GAA: variants seen among roughly 807,000 people sequenced by gnomAD.
GAA encodes the protein lysosomal alpha-glucosidase.
A neutral mutation model predicts 103.9 loss-of-function variants in GAA; 88 were observed. That is an observed-to-expected ratio of 0.85 (90% CI 0.71 to 1.01). The LOEUF (loss-of-function observed/expected upper bound fraction) is 1.01. GAA is among the 50% of genes least tolerant of loss of function. The pLI is 0.00. For synonymous variants in GAA, 572 were observed against 563.1 expected (o/e 1.02, Z -0.22); for missense variants, 1,350 against 1,305.3 (o/e 1.03, Z -0.53).
At chr17:80,113,520 G>T (rs560973827) in intron 15 of GAA, among the ~76,000 whole-genome samples, 154 bp downstream of exon 15, 1 of 152,220 alleles carries the variant, frequency 6.6e-6, no homozygotes, top group Non-Finnish European at 1.5e-5. Context: ...TAAGGGGGAA[G>T]GGCAGCAAGA....
At chr17:80,103,250 A>C (rs1238662729) in intron 1 of GAA, among the ~76,000 whole-genome samples, 1 of 152,152 alleles carries the variant, frequency 6.6e-6, no homozygotes, top group Non-Finnish European at 1.5e-5. Flanking sequence ...TGCTTTCTGA[A>C]ATCCTTGCCT....
chr17:80,112,050 C>G lies in GAA; in HGVS notation c.1704C>G (p.His568Gln), dbSNP rs776882059. Residue 568 changes from histidine to glutamine, a missense_variant, in exon 12 of 20, where the codon CAC becomes CAG. By Grantham distance (24) the His-to-Gln change is conservative (BLOSUM62 0). Transcript: ENST00000302262. ...CCAGCCACCAGTTTCTCTCCACACA[C>G]TACAACCTGCACAACCTCTACGGCC... ...CASSHQFLST[H>Q]YNLHNLYGLT... is the part of the protein sequence containing the mutation. The G allele has an allele frequency of 6.2e-7, 1 of 1,614,098 alleles. No homozygotes were observed. The highest frequency in any genetic ancestry group is 8.5e-7 in the Non-Finnish European group (1 of 1,179,970).
chr17:80,107,648 G>C lies in GAA; in HGVS notation c.784G>C (p.Glu262Gln). The C allele has an allele frequency of 6.2e-7, 1 of 1,613,050 alleles. No homozygotes were observed. The highest frequency in any genetic ancestry group is 8.5e-7 in the Non-Finnish European group (1 of 1,179,866). The change falls in exon 4 of 20, where the codon GAG becomes CAG. Residue 262 changes from glutamate to glutamine, a missense_variant. Transcript: ENST00000302262. ...CTCGCAGTATATCACAGGCCTCGCC[G>C]AGCACCTCAGTCCCCTGATGCTCAG... ...LPSQYITGLA[E>Q]HLSPLMLSTS...
intron 19 of GAA, among the ~76,000 whole-genome samples, chr17:80,119,071 C>T (rs1370094685): frequency 1.3e-5 from 2 of 152,210 alleles, no homozygotes; most frequent in African/African-American, 4.8e-5. Flanking sequence ...TAAGGTGACC[C>T]GCACTGAGAG....
At position 80,113,268 on chromosome 17, in the gene GAA, G is replaced by A. The variant is rs2143895855; in HGVS notation, c.2091G>A (p.Lys697=). 2.5e-6 allele frequency: 4 copies of A among 1,602,340 alleles called. No homozygotes were observed. The highest frequency in any genetic ancestry group is 3.4e-6 in the Non-Finnish European group (4 of 1,174,994). The change falls in exon 15 of 20, where the codon AAG becomes AAA. Residue 697 remains lysine (K), a synonymous_variant. Coordinates refer to ENST00000302262, the MANE Select transcript of GAA (RefSeq NM_000152.5). ...AGCCGGCCCAGCAGGCCATGAGGAA[G>A]GCCCTCACCCTGCGCTACGCACTCC... is the stretch of plus-strand genomic sequence containing the variant. ...FSEPAQQAMR[K]ALTLRYALLP...
chr17:80,115,984 C>T (rs1269364349), intron 15 of GAA, among the ~76,000 whole-genome samples: 1 of 152,168 alleles, frequency 6.6e-6, no homozygotes, highest in Non-Finnish European at 1.5e-5. Flanking sequence ...TACATGCTCC[C>T]CAGATGGCTG....
In GAA at chr17:80,109,933, C is replaced by G; in HGVS notation, c.1327-12C>G. ...GGGCCACCCTCACCTTGACAGGTTT[C>G]CCTCTTCCCAGGATCCTGCCATCAG... On this transcript the variant is annotated splice_polypyrimidine_tract_variant and intron_variant, in intron 8 of 19. Coordinates refer to ENST00000302262, the MANE Select transcript of GAA (RefSeq NM_000152.5). The G allele has an allele frequency of 1.2e-6, 2 of 1,609,828 alleles. No individual in the cohort carries two copies. The highest frequency in any genetic ancestry group is 1.7e-6 in the Non-Finnish European group (2 of 1,176,918).
chr17:80,111,102 C>A (rs2039227387), intron 11 of GAA, 77 bp downstream of exon 11: 1 of 1,391,758 alleles, frequency 7.2e-7, no homozygotes, highest in African/African-American at 1.4e-5. Flanking sequence ...GACTTAGCAC[C>A]CTCATCTCTG....
chr17:80,112,753 G>T, intron 13 of GAA, 42 bp downstream of exon 13: 1 of 1,588,570 alleles, frequency 6.3e-7, no homozygotes, highest in East Asian at 2.3e-5. Flanking sequence ...GAGTAGAGCC[G>T]GGGGCCTCTA....
Position 80,119,535 on chromosome 17 carries a change from C to G in GAA, c.*204C>G. 1 of 611,180 alleles carries G rather than the reference C, an allele frequency of 1.6e-6. No homozygotes were observed. The highest frequency in any genetic ancestry group is 3.0e-6 in the Non-Finnish European group (1 of 335,230). 37.9% of individuals were successfully genotyped at this position (611,180 alleles called of 1,614,324 possible). ...CCAACGTGTCTAGGAGAGCTTTCTC[C>G]CTAGATCGCACTGTGGGCCGGGGCC... On this transcript the variant is annotated 3_prime_UTR_variant, in exon 20 of 20. Coordinates refer to ENST00000302262, the MANE Select transcript of GAA (RefSeq NM_000152.5).
intron 9 of GAA, 71 bp downstream of exon 9, chr17:80,110,126 C>T: frequency 1.6e-6 from 2 of 1,248,742 alleles, no homozygotes; most frequent in Non-Finnish European, 2.3e-6. Context: ...GGCAGCTGCT[C>T]AGGAAGACGG....
intron 15 of GAA, among the ~76,000 whole-genome samples, chr17:80,113,625 G>A (rs565026860): frequency 5.9e-5 from 9 of 152,340 alleles, no homozygotes; most frequent in African/African-American, 1.7e-4. Flanking sequence ...GATTCCCAGA[G>A]AGTGAGGTGA....
In GAA at chr17:80,107,542, G is replaced by A. The variant is rs775090947; in HGVS notation, c.693-15G>A. The A allele has an allele frequency of 8.1e-6, 13 of 1,612,866 alleles. No homozygotes were observed. The highest frequency in any genetic ancestry group is 1.1e-5 in the Non-Finnish European group (13 of 1,179,860). On this transcript the variant is annotated splice_polypyrimidine_tract_variant and intron_variant, in intron 3 of 19. Transcript: ENST00000302262. ...CCTTGGGTGTGAGCAAGCCTGGCTG[G>A]CCTCTGTCCCGCAGGCTGAACACGA...
chr17:80,115,775 C>G (rs574243479), intron 15 of GAA, among the ~76,000 whole-genome samples: 1 of 152,290 alleles, frequency 6.6e-6, no homozygotes, highest in South Asian at 2.1e-4. Context: ...TCCATAAGGT[C>G]TGTGTTCTTC....
At chr17:80,108,263 C>T in intron 5 of GAA, 27 bp from the exon 6 acceptor site, 2 of 1,613,382 alleles carry the variant, frequency 1.2e-6, no homozygotes, top group Non-Finnish European at 1.7e-6. Flanking sequence ...AATCTGTCCC[C>T]CAACCCCAGA....
At chr17:80,110,600 C>T (rs1436105125) in intron 9 of GAA, 127 bp from the exon 10 acceptor site, 1 of 752,240 alleles carries the variant, frequency 1.3e-6, no homozygotes, top group Non-Finnish European at 2.3e-6. Flanking sequence ...GCAGGTCTCT[C>T]AGATTTGCAA....
chr17:80,118,402 G>A lies in GAA; in HGVS notation c.2646+45G>A. On this transcript the variant is annotated intron_variant, in intron 18 of 19. Transcript: ENST00000302262. ...AGGCTGGTGGGCAGGGGCCGGCTCG[G>A]GGTTGAGAAGGGGTGAGGGGACCTG... 3 of 1,556,584 alleles carry A rather than the reference G, an allele frequency of 1.9e-6. No homozygotes were observed. In the South Asian group the frequency reaches 3.7e-5, roughly 19 times the overall value.
At chr17:80,111,931 T>A (rs1347969219) in intron 11 of GAA, 52 bp from the exon 12 acceptor site, 4 of 1,518,330 alleles carry the variant, frequency 2.6e-6, no homozygotes, top group Non-Finnish European at 3.6e-6. Flanking sequence ...GGAGGGCACC[T>A]TGGAGCCTGC....
rs2039418269 is a variant in GAA at position 80,118,796 on chromosome 17, C to G, written c.2790C>G (p.Pro930=). ...CTGTCTCCAACTTCACCTACAGCCC[C>G]GACACCAAGGCAAGAGGGCCCAGAG... ...GVPVSNFTYS[P]DTKVLDICVS... is the part of the protein sequence containing the mutation. Residue 930 remains proline (P), a synonymous_variant, in exon 19 of 20, where the codon CCC becomes CCG. Transcript: ENST00000302262. 2 of 1,613,264 alleles carry G rather than the reference C, an allele frequency of 1.2e-6. No homozygotes were observed. The highest frequency in any genetic ancestry group is 1.3e-5 in the African/African-American group (1 of 75,050).
Sources: gnomAD v4.1 joint callset for allele counts (sites outside exome capture counted in the v4.1 genomes callset) on GRCh38, gnomAD v4.1.1 for gene constraint, MANE v1.5 for transcripts, NCBI Gene and HGNC (gene_info 2026-07-23, HGNC 2026-07-21) for gene names.